Variants in MTA3 observed in about 807,000 individuals in gnomAD.
MTA3 encodes the protein metastasis-associated protein MTA3.
A neutral mutation model predicts 83.5 loss-of-function variants in MTA3; 34 were observed. The ratio of observed to expected loss-of-function variants is 0.41; its 90% CI spans 0.31 to 0.54. The LOEUF (loss-of-function observed/expected upper bound fraction) is 0.54. Ranked by LOEUF, MTA3 falls within the 20% of genes least tolerant of loss-of-function variation. The probability of loss-of-function intolerance (pLI) is 0.33; values close to 1 mark genes in which losing one functional copy is unlikely to be tolerated. For missense variants in MTA3, 761 were observed against 726.4 expected, an observed-to-expected ratio of 1.05 and a Z score of -0.55; for synonymous variants, 303 against 252.7, an observed-to-expected ratio of 1.20 and a Z score of -1.89.
Position 42,753,483 on chromosome 2 carries a change from C to G in MTA3, c.*84C>G. 6.5e-7 allele frequency: 1 copy of G among 1,547,616 alleles called. No individual in the cohort carries two copies. ...AGCCGTGCCTGGGAAGAAGGCAGCCCCACTCCCAGTACATTTCAGTGGGAG... is the reference window on the plus strand; with the variant it reads ...AGCCGTGCCTGGGAAGAAGGCAGCCGCACTCCCAGTACATTTCAGTGGGAG... On this transcript the variant is annotated 3_prime_UTR_variant, in exon 17 of 17. Transcript: ENST00000405094.
intron 2 of MTA3, among the ~76,000 whole-genome samples, chr2:42,539,577 CTTTTTTTTTTT>C (rs34577240): frequency 2.1e-5 from 2 of 96,652 alleles, no homozygotes; most frequent in African/African-American, 4.0e-5. Context: ...AATTGTAAAG[CTTTTTTTTTTT>C]TTTTTTTTTT....
intron 12 of MTA3, among the ~76,000 whole-genome samples, chr2:42,706,118 A>G (rs926087601): frequency 2.6e-5 from 4 of 152,236 alleles, no homozygotes; most frequent in Middle Eastern, 6.8e-3. Context: ...ACATCTGGGG[A>G]CTGCTGTGGG....
chr2:42,567,941 T>G (rs1677998212), upstream of MTA3: 2 of 152,142 alleles, frequency 1.3e-5, no homozygotes, highest in Non-Finnish European at 2.9e-5. Context: ...TCCATCTGGG[T>G]GTTGGACAGT....
intron 2 of MTA3, among the ~76,000 whole-genome samples, chr2:42,513,994 A>G (rs1461250310): frequency 6.6e-6 from 1 of 152,184 alleles, no homozygotes; most frequent in African/African-American, 2.4e-5. Flanking sequence ...TGAATGGATC[A>G]CCTGAGGTCA....
chr2:42,602,806 A>G (rs115658363), intron 3 of MTA3, among the ~76,000 whole-genome samples: 13 of 152,296 alleles, frequency 8.5e-5, no homozygotes, highest in African/African-American at 3.1e-4. Context: ...TACCTGGGCT[A>G]TCCTTATCCA....
chr2:42,552,455 A>G (rs1677158774), intron 2 of MTA3, among the ~76,000 whole-genome samples: 1 of 152,142 alleles, frequency 6.6e-6, no homozygotes, highest in African/African-American at 2.4e-5. Flanking sequence ...AAGGCTTTTT[A>G]AAACTAGACT....
chr2:42,495,374 A>C (rs2103627436), intron 2 of MTA3: 1 of 152,478 alleles, frequency 6.6e-6, no homozygotes, highest in South Asian at 2.1e-4. Context: ...TGTGATTAAA[A>C]GCTCAAAAAC....
At position 42,549,402 on chromosome 2, in the gene MTA3, C is replaced by T. The variant is rs865964994; in HGVS notation, c.-140-21035C>T. Among the ~76,000 whole-genome samples, 143 of 110,718 alleles carry T rather than the reference C, an allele frequency of 1.3e-3. 1 individual carries two copies. The highest frequency in any genetic ancestry group is 4.6e-3 in the African/African-American group (128 of 27,558). The allele number at this position is 110,718 out of a possible 152,430, so 72.6% of individuals were successfully genotyped here. ...AAAATATATGTATATATTATATATA[C>T]GTATATAATATATATTATATAATAT... On this transcript the variant is annotated intron_variant, in intron 2 of 17. Coordinates refer to the MTA3 transcript ENST00000405592.
At chr2:42,729,242 G>A (rs1268825234) in intron 16 of MTA3, among the ~76,000 whole-genome samples, 3 of 151,198 alleles carry the variant, frequency 2.0e-5, no homozygotes, top group African/African-American at 4.8e-5. Context: ...GACTACAGGC[G>A]CCCACCACCA....
chr2:42,719,799 G>A lies in MTA3; in HGVS notation c.1612+725G>A, dbSNP rs151055999. On this transcript the variant is annotated intron_variant, in intron 15 of 16. Transcript: ENST00000405094. The stretch of plus-strand genomic sequence containing the variant: ...AAGATGATAGCTCCATTTTTATGTT[G>A]AAATATCACAATTAAGAATAGTATA... Among the ~76,000 whole-genome samples the A allele has an allele frequency of 1.8e-3, 274 of 152,194 alleles. 1 individual carries two copies. The highest frequency in any genetic ancestry group is 6.3e-3 in the African/African-American group (262 of 41,542).
rs370064164 is a variant in MTA3, at chr2:42,573,091, G to C, written c.96+2587G>C. Among the ~76,000 whole-genome samples, 5 of 152,196 alleles carry C rather than the reference G, an allele frequency of 3.3e-5. No individual in the cohort carries two copies. In the East Asian group the frequency reaches 7.7e-4, roughly 23 times the overall value. ...CATGGACCATGGATTTTCTAATGAT[G>C]TTTTGTTTTCCTCCGATTTTCTAAT... On this transcript the variant is annotated intron_variant, in intron 2 of 16. Transcript: ENST00000405094.
chr2:42,625,440 A>G (rs1355696131), intron 4 of MTA3, among the ~76,000 whole-genome samples: 3 of 151,252 alleles, frequency 2.0e-5, no homozygotes, highest in Admixed American at 6.6e-5. Context: ...AATTTTGCCA[A>G]TCATGTTTTA....
chr2:42,539,178 C>T lies in MTA3; in HGVS notation c.-140-31259C>T, dbSNP rs147010034. Among the ~76,000 whole-genome samples, 8 of 152,194 alleles carry T rather than the reference C, an allele frequency of 5.3e-5. No homozygotes were observed. In the East Asian group the frequency reaches 1.3e-3, roughly 26 times the overall value. On this transcript the variant is annotated intron_variant, in intron 2 of 17. Transcript: ENST00000405592. ...CCTTAGTTTGTCAGGAGTAGAATTA[C>T]GGGGTAAAAGAATATTGTGTATTAG...
chr2:42,636,707 A>G (rs1172558187), intron 4 of MTA3, among the ~76,000 whole-genome samples: 1 of 148,090 alleles, frequency 6.8e-6, no homozygotes, highest in Non-Finnish European at 1.5e-5. Context: ...GCTCACTGCA[A>G]CCTCCGGCTC....
chr2:42,503,646 T>C (rs1041838573), intron 2 of MTA3, among the ~76,000 whole-genome samples: 4 of 152,164 alleles, frequency 2.6e-5, no homozygotes, highest in African/African-American at 7.2e-5. Context: ...AGCTCAAGAA[T>C]TTCCTTTTAT....
chr2:42,694,438 G>A (rs574594102), intron 9 of MTA3, among the ~76,000 whole-genome samples: 2 of 152,262 alleles, frequency 1.3e-5, no homozygotes, highest in South Asian at 2.1e-4. Flanking sequence ...AGTTCCAACC[G>A]ATAGGATAGG....
At position 42,572,128 on chromosome 2, in the gene MTA3, A is replaced by G. The variant is rs1397867624; in HGVS notation, c.96+1624A>G. On this transcript the variant is annotated intron_variant, in intron 2 of 16. Coordinates refer to ENST00000405094, the MANE Select transcript of MTA3 (RefSeq NM_001330442.2). ...CCGTCTCTACTAAAAATACAAAAAAAATTAGCCGGGCATGGTGGTGTGCAC... is the reference window on the plus strand; with the variant it reads ...CCGTCTCTACTAAAAATACAAAAAAGATTAGCCGGGCATGGTGGTGTGCAC... Among the ~76,000 whole-genome samples, 4 of 151,896 alleles carry G rather than the reference A, an allele frequency of 2.6e-5. No individual in the cohort carries two copies. The East Asian group carries it at 7.8e-4, about 29-fold the overall frequency.
rs116172950 is a variant in MTA3 at position 42,663,151 on chromosome 2, T to C, written c.702+3289T>C. On this transcript the variant is annotated intron_variant, in intron 8 of 16. Coordinates refer to ENST00000405094, the MANE Select transcript of MTA3 (RefSeq NM_001330442.2). Reference sequence around the variant, plus strand: ...CCCTTGTAGTTTAACACTATTCTTATGAGATACTGCTTCTCAGATTATAAC... The same window carrying C: ...CCCTTGTAGTTTAACACTATTCTTACGAGATACTGCTTCTCAGATTATAAC... Among the ~76,000 whole-genome samples the C allele has an allele frequency of 2.0e-3, 302 of 152,368 alleles. 2 individuals carry two copies. The highest frequency in any genetic ancestry group is 6.8e-3 in the African/African-American group (281 of 41,588).
At chr2:42,646,298 A>G (rs1435127408) in intron 6 of MTA3, among the ~76,000 whole-genome samples, 5 of 152,248 alleles carry the variant, frequency 3.3e-5, no homozygotes, top group Non-Finnish European at 5.9e-5. Flanking sequence ...TGCTGAGACA[A>G]CATCCATTCT....
Sources: allele counts gnomAD v4.1 joint callset (sites outside exome capture counted in the v4.1 genomes callset), GRCh38; gene constraint gnomAD v4.1.1; transcripts MANE v1.5; gene names NCBI Gene and HGNC (gene_info 2026-07-23, HGNC 2026-07-21).